Variants in LYSMD3 observed in about 807,000 individuals in gnomAD.
The protein encoded by LYSMD3 is lysM and putative peptidoglycan-binding domain-containing protein 3.
In LYSMD3, 13 loss-of-function variants were observed where a neutral mutation model predicts 26.1. The observed-to-expected ratio is 0.50, with a 90% CI of 0.32 to 0.79. The LOEUF (loss-of-function observed/expected upper bound fraction) is 0.79. LYSMD3 is among the 30% of genes least tolerant of loss of function. LYSMD3 has a pLI of 0.03. For missense variants in LYSMD3, 331 were observed against 362.5 expected (o/e 0.91, Z 0.71); for synonymous variants, 109 against 119.4 (o/e 0.91, Z 0.57).
Position 90,519,151 on chromosome 5 carries a change from C to T in LYSMD3, c.589G>A (p.Glu197Lys). 6.2e-7 allele frequency: 1 copy of T among 1,614,096 alleles called. No homozygotes were observed. Among genetic ancestry groups the T allele is most frequent in the Non-Finnish European group, 8.5e-7 (1 of 1,179,990 alleles). The change falls in exon 3 of 3, where the codon GAA becomes AAA. Residue 197 changes from glutamate (E) to lysine (K), a missense_variant. This residue lies in a region of LYSMD3 where 262 missense variants were observed against 267.3 expected (regional missense o/e 0.98). Coordinates refer to ENST00000315948, the MANE Select transcript of LYSMD3 (RefSeq NM_198273.2). ...CGTTGAGTGTTTTTGTTATCAGGTT[C>T]AAAACGCATTTGTTGTGCTGTTAAG... is the stretch of plus-strand genomic sequence containing the variant. Reference protein sequence around the residue: ...SALTAQQMRFEPDNKNTQRKD... With the variant: ...SALTAQQMRFKPDNKNTQRKD...
chr5:90,521,772 A>T (rs140989894), intron 2 of LYSMD3, among the ~76,000 whole-genome samples: 3 of 151,996 alleles, frequency 2.0e-5, no homozygotes, highest in Non-Finnish European at 2.9e-5. Flanking sequence ...TGCTATGCCA[A>T]CTTCCTTGGT....
Position 90,518,947 on chromosome 5 carries a change from G to A in LYSMD3, c.793C>T (p.Pro265Ser), listed in dbSNP as rs148338096. 6.7e-5 allele frequency: 108 copies of A among 1,614,002 alleles called. No homozygotes were observed. In the East Asian group the frequency reaches 2.3e-3, roughly 35 times the overall value. The change falls in exon 3 of 3, where the codon CCC becomes TCC. Residue 265 changes from proline to serine, a missense_variant. Physicochemically the swap from Pro to Ser is moderately conservative, Grantham distance 74. Around this residue, in one of 3 missense-constraint regions of LYSMD3, gnomAD observed 61 missense variants for 66.8 expected, o/e 0.91. Transcript: ENST00000315948. ...DSSHLHSKITPPSQQREMENG... is the reference protein window; with the variant it reads ...DSSHLHSKITSPSQQREMENG... ...TCCATTTCTCTCTGCTGTGATGGGG[G>A]TGTGATTTTTGAATGTAAATGTGAA...
chr5:90,522,728 T>G (rs1158407379), intron 2 of LYSMD3, among the ~76,000 whole-genome samples: 1 of 152,210 alleles, frequency 6.6e-6, no homozygotes, highest in East Asian at 1.9e-4. Context: ...TCTCTTACTG[T>G]ATGGATCAAA....
In LYSMD3 at chr5:90,516,913, A is replaced by G. The variant is rs1276066881; in HGVS notation, c.*1906T>C. 3 of 102,078 alleles carry G rather than the reference A, an allele frequency of 2.9e-5. No homozygotes were observed. The highest frequency in any genetic ancestry group is 5.8e-5 in the Non-Finnish European group (3 of 51,404). 6.3% of individuals were successfully genotyped at this position (102,078 alleles called of 1,614,324 possible). A position where few individuals can be genotyped will look rare whatever the true frequency, so the allele number is the denominator to read the frequency against. ...TAGCAAAAAAAGTAAGGAATCACTG[A>G]CTGTAATTTCATCAATTTGATGTAA... On this transcript the variant is annotated 3_prime_UTR_variant, in exon 3 of 3. Coordinates refer to ENST00000315948, the MANE Select transcript of LYSMD3 (RefSeq NM_198273.2).
rs566521682 is a variant in LYSMD3, at chr5:90,518,185, C to G, written c.*634G>C. On this transcript the variant is annotated 3_prime_UTR_variant, in exon 3 of 3. Transcript: ENST00000315948. The stretch of plus-strand genomic sequence containing the variant: ...AATTACTGTCAGGTCTTCACCTATT[C>G]CAGTGTTCTACTGACTTCCCAACCA... 6.6e-6 allele frequency: 1 copy of G among 152,254 alleles called. No individual in the cohort carries two copies. Among genetic ancestry groups the G allele is most frequent in the East Asian group, 1.9e-4 (1 of 5,184 alleles). The allele number at this position is 152,254 out of a possible 1,614,324, so 9.4% of individuals were successfully genotyped here. A position where few individuals can be genotyped will look rare whatever the true frequency, so the allele number is the denominator to read the frequency against.
rs550508197 is a variant in LYSMD3 at position 90,522,271 on chromosome 5, G to A, written c.255+2764C>T. The stretch of plus-strand genomic sequence containing the variant: ...TTCTGCCGTTAAGTAAAAGCTCTCT[G>A]AGGCCTCCCCAGAAGTAGATGCTGC... On this transcript the variant is annotated intron_variant, in intron 2 of 2. Coordinates refer to ENST00000315948, the MANE Select transcript of LYSMD3 (RefSeq NM_198273.2). Among the ~76,000 whole-genome samples, 128 of 152,302 alleles carry A rather than the reference G, an allele frequency of 8.4e-4. 1 individual carries two copies. Among genetic ancestry groups the A allele is most frequent in the African/African-American group, 3.1e-3 (127 of 41,574 alleles).
intron 1 of LYSMD3, among the ~76,000 whole-genome samples, chr5:90,526,158 G>A (rs945388652): frequency 6.6e-5 from 10 of 152,002 alleles, no homozygotes; most frequent in Non-Finnish European, 1.2e-4. Flanking sequence ...AGTATCTTTC[G>A]TATTACTTCC....
intron 1 of LYSMD3, among the ~76,000 whole-genome samples, chr5:90,525,662 C>T (rs896519617): frequency 2.0e-5 from 3 of 152,106 alleles, no homozygotes; most frequent in African/African-American, 7.2e-5. Flanking sequence ...GTTGGCCAGG[C>T]TGGTCTCGAA....
At chr5:90,525,669 C>T (rs1270962462) in intron 1 of LYSMD3, among the ~76,000 whole-genome samples, 3 of 152,072 alleles carry the variant, frequency 2.0e-5, no homozygotes, top group Non-Finnish European at 2.9e-5. Flanking sequence ...AGGCTGGTCT[C>T]GAACTCTTGA....
In LYSMD3 at chr5:90,519,281, G is replaced by A. The variant is rs759297446; in HGVS notation, c.459C>T (p.Tyr153=). The change falls in exon 3 of 3, where the codon TAC becomes TAT. Residue 153 remains tyrosine, a synonymous_variant. Coordinates refer to ENST00000315948, the MANE Select transcript of LYSMD3 (RefSeq NM_198273.2). ...EILPANDSLA[Y]SDSAGSFLKE... ...TTAAAAAGCTACCAGCTGAGTCACT[G>A]TAAGCAAGAGAATCATTAGCTGGCA... 7 of 1,613,890 alleles carry A rather than the reference G, an allele frequency of 4.3e-6. No individual in the cohort carries two copies. The highest frequency in any genetic ancestry group is 5.9e-6 in the Non-Finnish European group (7 of 1,179,996).
At chr5:90,529,162 G>A (rs1277495094) in intron 1 of LYSMD3, among the ~76,000 whole-genome samples, 1 of 152,198 alleles carries the variant, frequency 6.6e-6, no homozygotes, top group Non-Finnish European at 1.5e-5. Context: ...ATAAAGTCGT[G>A]GGAGAAATGC....
intron 2 of LYSMD3, among the ~76,000 whole-genome samples, chr5:90,522,104 T>C (rs983776085): frequency 6.6e-6 from 1 of 152,126 alleles, no homozygotes; most frequent in African/African-American, 2.4e-5. Flanking sequence ...GGGGAGGTGA[T>C]TGGATCATGG....
chr5:90,522,615 C>T (rs1469265326), intron 2 of LYSMD3, among the ~76,000 whole-genome samples: 1 of 152,206 alleles, frequency 6.6e-6, no homozygotes, highest in Non-Finnish European at 1.5e-5. Context: ...CTCTGCTATT[C>T]TGTATCACTC....
chr5:90,524,899 C>CA (rs1266932810), intron 2 of LYSMD3, 136 bp downstream of exon 2: 1 of 876,870 alleles, frequency 1.1e-6, no homozygotes, highest in Non-Finnish European at 1.7e-6. Flanking sequence ...GCCCATGTGA[C>CA]ACAGATTTCT....
chr5:90,525,297 A>G lies in LYSMD3; in HGVS notation c.-8T>C. On this transcript the variant is annotated 5_prime_UTR_variant, in exon 2 of 3. Transcript: ENST00000315948. ...CTGATGCCTCCCTGCCATAATGTTA[A>G]AATCTGGAGGAAAAAAAAAGCAGAG... 6.3e-7 allele frequency: 1 copy of G among 1,577,180 alleles called. No homozygotes were observed. The highest frequency in any genetic ancestry group is 8.6e-7 in the Non-Finnish European group (1 of 1,165,430).
chr5:90,519,963 A>G (rs1328159892), intron 2 of LYSMD3, among the ~76,000 whole-genome samples: 4 of 151,962 alleles, frequency 2.6e-5, no homozygotes, highest in Non-Finnish European at 5.9e-5. Context: ...ATGTATATCT[A>G]GGGAAAAAAA....
intron 1 of LYSMD3, 143 bp from the exon 2 acceptor site, chr5:90,525,443 T>TTTTTG (rs370409381): frequency 5.0e-5 from 45 of 899,262 alleles, no homozygotes; most frequent in South Asian, 9.5e-5. Context: ...TAAGTTCGTT[T>TTTTTG]TTTTGTTTTG....
chr5:90,529,198 CCAGGTAATCCAG>C (rs1244898762), intron 1 of LYSMD3: 5 of 352,804 alleles, frequency 1.4e-5, no homozygotes, highest in African/African-American at 1.1e-4. Context: ...AATTAGCTGC[CCAGGTAATCCAG>C]CAGGTAGGCG....
intron 2 of LYSMD3, chr5:90,520,313 T>C (rs945653884): frequency 2.3e-6 from 1 of 440,384 alleles, no homozygotes; most frequent in Non-Finnish European, 4.6e-6. Context: ...TCCCACCATC[T>C]ATTAGTCCCA....
Sources: gnomAD v4.1 joint callset for allele counts (sites outside exome capture counted in the v4.1 genomes callset) on GRCh38, gnomAD v4.1.1 for gene constraint, gnomAD v4.1.1 regional missense constraint, MANE v1.5 for transcripts, NCBI Gene and HGNC (gene_info 2026-07-23, HGNC 2026-07-21) for gene names.